Variants in INTS8 observed in about 807,000 individuals in gnomAD.
INTS8 encodes the protein integrator complex subunit 8, also known as protein kaonashi-1.
A neutral mutation model predicts 138.9 loss-of-function variants in INTS8; 47 were observed. The ratio of observed to expected loss-of-function variants is 0.34; its 90% CI spans 0.27 to 0.43. INTS8 has a LOEUF of 0.43. Ranked by LOEUF, INTS8 falls within the 20% of genes least tolerant of loss-of-function variation. The pLI, the probability that INTS8 is intolerant of heterozygous loss-of-function variation, is 1.00. For synonymous variants in INTS8, 392 were observed against 400.9 expected, an observed-to-expected ratio of 0.98 and a Z score of 0.27; for missense variants, 996 against 1,173.0, an observed-to-expected ratio of 0.85 and a Z score of 2.20.
Position 94,865,626 on chromosome 8 carries a change from C to A in INTS8, c.2197C>A (p.Arg733=). The A allele has an allele frequency of 6.2e-7, 1 of 1,613,992 alleles. No individual in the cohort carries two copies. The highest frequency in any genetic ancestry group is 8.5e-7 in the Non-Finnish European group (1 of 1,179,934). Residue 733 remains arginine, a synonymous_variant, in exon 17 of 27, where the codon CGA becomes AGA. Coordinates refer to ENST00000523731, the MANE Select transcript of INTS8 (RefSeq NM_017864.4). The part of the protein sequence containing the change: ...QICSVSSQHK[R]GNDGRVSLIK... ...CTGTAGTGTGTCCAGTCAGCACAAA[C>A]GAGGAAATGATGGCAGAGTTAGTTT...
intron 10 of INTS8, among the ~76,000 whole-genome samples, chr8:94,848,422 A>G (rs968892051): frequency 6.6e-6 from 1 of 152,160 alleles, no homozygotes; most frequent in Admixed American, 6.5e-5. Context: ...TTGTGCAGCT[A>G]TCACTTCACT....
At chr8:94,880,096 C>CAT (rs1430073828) in intron 26 of INTS8, 22 bp from the exon 27 acceptor site, 3 of 1,535,154 alleles carry the variant, frequency 2.0e-6, no homozygotes. Context: ...CCTCTAATAA[C>CAT]ATCACTTTTC....
intron 26 of INTS8, among the ~76,000 whole-genome samples, chr8:94,878,866 A>G (rs898625038): frequency 6.6e-6 from 1 of 152,152 alleles, no homozygotes; most frequent in Non-Finnish European, 1.5e-5. Flanking sequence ...CTTCCCTGAC[A>G]TCATTTTTAT....
intron 2 of INTS8, among the ~76,000 whole-genome samples, chr8:94,826,893 C>T (rs1320236965): frequency 6.6e-6 from 1 of 152,150 alleles, no homozygotes; most frequent in South Asian, 2.1e-4. Context: ...ATCACAAGGT[C>T]AGGAGATGGA....
At chr8:94,864,382 A>G (rs758489342) in intron 16 of INTS8, among the ~76,000 whole-genome samples, 13 of 152,148 alleles carry the variant, frequency 8.5e-5, no homozygotes, top group Non-Finnish European at 1.5e-4. Context: ...GATGGAGTAT[A>G]AAAGTTAATA....
chr8:94,880,525 G>C lies in INTS8; in HGVS notation c.*291G>C, dbSNP rs1404830508. The C allele has an allele frequency of 1.0e-5, 3 of 297,278 alleles. No homozygotes were observed. In the Admixed American group the frequency reaches 1.5e-4, roughly 15 times the overall value. 18.4% of individuals were successfully genotyped at this position (297,278 alleles called of 1,614,324 possible). The stretch of plus-strand genomic sequence containing the variant: ...GAGGCTGGATTTTTTTTTTAGAAAA[G>C]CTAATTTAAAATATTTAGAAATAGC... On this transcript the variant is annotated 3_prime_UTR_variant, in exon 27 of 27. Coordinates refer to ENST00000523731, the MANE Select transcript of INTS8 (RefSeq NM_017864.4).
chr8:94,865,568 T>C lies in INTS8; in HGVS notation c.2139T>C (p.Thr713=). The C allele has an allele frequency of 6.2e-7, 1 of 1,614,128 alleles. No individual in the cohort carries two copies. Among genetic ancestry groups the C allele is most frequent in the Admixed American group, 1.7e-5 (1 of 60,022 alleles). ...CAGGCCCTAAAGAAAGTAGACGGAC[T>C]GCCAAAGACCTTTGGGAAGTTGTTG... is the stretch of plus-strand genomic sequence containing the variant. ...ELPGPKESRR[T]AKDLWEVVVQ... The change falls in exon 17 of 27, where the codon ACT becomes ACC. Residue 713 remains threonine, a synonymous_variant. Transcript: ENST00000523731.
intron 11 of INTS8, 40 bp downstream of exon 11, chr8:94,849,572 T>G: frequency 8.3e-7 from 1 of 1,206,678 alleles, no homozygotes; most frequent in Non-Finnish European, 1.2e-6. Context: ...TTTTTTTAAC[T>G]TTGAACTTAG....
intron 10 of INTS8, among the ~76,000 whole-genome samples, chr8:94,846,170 G>A (rs935207026): frequency 9.9e-5 from 15 of 152,098 alleles, no homozygotes; most frequent in African/African-American, 2.4e-5. Flanking sequence ...ACTTTGCTTA[G>A]CTTTTAAAAA....
At chr8:94,870,139 C>CTT (rs1816343080) in intron 20 of INTS8, among the ~76,000 whole-genome samples, 1 of 151,840 alleles carries the variant, frequency 6.6e-6, no homozygotes, top group African/African-American at 2.4e-5. Context: ...GCAAGCTCTG[C>CTT]CTCCCGGGTT....
intron 13 of INTS8, among the ~76,000 whole-genome samples, chr8:94,852,996 A>T (rs974324777): frequency 2.0e-5 from 3 of 151,974 alleles, no homozygotes; most frequent in African/African-American, 7.3e-5. Context: ...TTTAGCATTG[A>T]TGCTATTTAT....
intron 18 of INTS8, chr8:94,866,907 T>C (rs1191338708): frequency 4.5e-6 from 2 of 448,290 alleles, no homozygotes; most frequent in Non-Finnish European, 4.0e-6. Context: ...GATAGCACCA[T>C]AAGCCAAACA....
chr8:94,874,812 ACCT>A (rs1816517112), intron 23 of INTS8, among the ~76,000 whole-genome samples: 2 of 152,066 alleles, frequency 1.3e-5, no homozygotes, highest in South Asian at 4.2e-4. Flanking sequence ...TGACCTTTAA[ACCT>A]CCTAAGTGGG....
chr8:94,871,111 G>GCAA (rs1816379917), intron 20 of INTS8, among the ~76,000 whole-genome samples: 1 of 152,042 alleles, frequency 6.6e-6, no homozygotes, highest in South Asian at 2.1e-4. Context: ...AGGCCACAAG[G>GCAA]CAACATTGTC....
At chr8:94,875,383 A>G (rs975084246) in intron 23 of INTS8, among the ~76,000 whole-genome samples, 2 of 152,210 alleles carry the variant, frequency 1.3e-5, no homozygotes, top group African/African-American at 2.4e-5. Flanking sequence ...AAGGCTACAT[A>G]GTCTATGATT....
At chr8:94,838,354 T>G in intron 7 of INTS8, 109 bp from the exon 8 acceptor site, 1 of 924,260 alleles carries the variant, frequency 1.1e-6, no homozygotes, top group Non-Finnish European at 1.6e-6. Flanking sequence ...CCAGCCCGGC[T>G]TGAATTTTTC....
chr8:94,842,799 T>A (rs1815183165), intron 10 of INTS8, among the ~76,000 whole-genome samples: 1 of 152,218 alleles, frequency 6.6e-6, no homozygotes, highest in Non-Finnish European at 1.5e-5. Context: ...TTTTATTTAC[T>A]TCCAAAGCTT....
At chr8:94,879,823 G>A (rs1350783805) in intron 26 of INTS8, 4 of 177,828 alleles carry the variant, frequency 2.2e-5, no homozygotes, top group South Asian at 3.1e-4. Context: ...TCTAAAAATC[G>A]CCATGTAGAG....
Position 94,876,120 on chromosome 8 carries a change from C to A in INTS8, c.2735C>A (p.Ala912Glu). The change falls in exon 24 of 27, where the codon GCG becomes GAG. Residue 912 changes from alanine (A) to glutamate (E), a missense_variant. Ala to Glu is a moderately radical substitution (Grantham distance 107). Transcript: ENST00000523731. Reference sequence around the variant, plus strand: ...CTCAGAGAAATTGACTACAAAACAGCGTTTAAATCTCTGCAAGAACAAAAC... The same window carrying A: ...CTCAGAGAAATTGACTACAAAACAGAGTTTAAATCTCTGCAAGAACAAAAC... ...QFLREIDYKT[A>E]FKSLQEQNSH... The A allele has an allele frequency of 6.2e-7, 1 of 1,610,296 alleles. No individual in the cohort carries two copies. Among genetic ancestry groups the A allele is most frequent in the Non-Finnish European group, 8.5e-7 (1 of 1,176,946 alleles).
Sources: allele counts gnomAD v4.1 joint callset (sites outside exome capture counted in the v4.1 genomes callset), GRCh38; gene constraint gnomAD v4.1.1; transcripts MANE v1.5; gene names NCBI Gene and HGNC (gene_info 2026-07-23, HGNC 2026-07-21).